The following STOX2 variants were observed in gnomAD, a reference collection of about 807,000 sequenced individuals.
STOX2 encodes storkhead-box protein 2.
Under a neutral mutation model 60.9 loss-of-function variants are expected in STOX2, and 28 were observed. The ratio of observed to expected loss-of-function variants is 0.46; its 90% CI spans 0.34 to 0.63. The LOEUF (loss-of-function observed/expected upper bound fraction) is 0.63. STOX2 is among the 30% of genes least tolerant of loss of function. The pLI is 0.01. For missense variants in STOX2, 1,024 were observed against 1,187.7 expected (o/e 0.86, Z 2.03); for synonymous variants, 472 against 463.9 (o/e 1.02, Z -0.22).
chr4:183,891,265 G>A (rs1381185826), intron 1 of STOX2, among the ~76,000 whole-genome samples: 5 of 147,750 alleles, frequency 3.4e-5, no homozygotes, highest in African/African-American at 7.5e-5. Context: ...TAAAGAAACT[G>A]GTGTGTGTGT....
chr4:183,874,817 G>A (rs1033864234), intron 1 of STOX2, among the ~76,000 whole-genome samples: 29 of 148,824 alleles, frequency 1.9e-4, no homozygotes, highest in African/African-American at 6.4e-4. Context: ...TCCCAGCTAC[G>A]CGGGAGGCTG....
At chr4:183,817,314 C>T (rs866228733) in intron 1 of STOX2, among the ~76,000 whole-genome samples, 14 of 152,206 alleles carry the variant, frequency 9.2e-5, no homozygotes, top group African/African-American at 2.9e-4. Context: ...TTCAAAAGAA[C>T]GTGCCACACA....
At chr4:183,811,809 T>C (rs928621669) in intron 1 of STOX2, among the ~76,000 whole-genome samples, 18 of 152,214 alleles carry the variant, frequency 1.2e-4, no homozygotes, top group Non-Finnish European at 1.8e-4. Flanking sequence ...TTTGACACTA[T>C]GGAAGAGATA....
At chr4:183,813,584 G>A (rs1044238200) in intron 1 of STOX2, among the ~76,000 whole-genome samples, 3 of 152,132 alleles carry the variant, frequency 2.0e-5, no homozygotes, top group Non-Finnish European at 4.4e-5. Context: ...ACCGAGGGAG[G>A]CCTGTGTGTT....
At chr4:183,908,864 C>T (rs904650671) in intron 1 of STOX2, among the ~76,000 whole-genome samples, 8 of 152,070 alleles carry the variant, frequency 5.3e-5, no homozygotes, top group South Asian at 2.1e-4. Flanking sequence ...ACCTGAAGAC[C>T]AAAAGATGGA....
Position 183,905,464 on chromosome 4 carries a change from G to T in STOX2, c.-1327G>T, listed in dbSNP as rs1741566199. The stretch of plus-strand genomic sequence containing the variant: ...CAGGCTGCGTGGACCCGGCGCCCCG[G>T]CGTGTGCGGTTGTGGGGGAGCTCGC... On this transcript the variant is annotated 5_prime_UTR_variant, in exon 1 of 4. Coordinates refer to ENST00000308497, the MANE Select transcript of STOX2 (RefSeq NM_020225.3). The T allele has an allele frequency of 6.6e-6, 1 of 152,266 alleles. No individual in the cohort carries two copies. Among genetic ancestry groups the T allele is most frequent in the Non-Finnish European group, 1.5e-5 (1 of 68,112 alleles). The allele number at this position is 152,266 out of a possible 1,614,324, so 9.4% of individuals were successfully genotyped here.
At chr4:183,938,052 G>C (rs1461949012) in intron 1 of STOX2, among the ~76,000 whole-genome samples, 5 of 152,244 alleles carry the variant, frequency 3.3e-5, no homozygotes, top group South Asian at 2.1e-4. Context: ...GGGAGGCTGT[G>C]GTGGGAGGAT....
In STOX2 at chr4:183,837,503, G is replaced by A. The variant is rs907595751; in HGVS notation, c.364+39448G>A. Among the ~76,000 whole-genome samples the A allele has an allele frequency of 2.0e-5, 3 of 151,544 alleles. No individual in the cohort carries two copies. In the South Asian group the frequency reaches 6.3e-4, roughly 32 times the overall value. On this transcript the variant is annotated intron_variant, in intron 1 of 2. Coordinates refer to the STOX2 transcript ENST00000513034. Reference sequence around the variant, plus strand: ...AGATAGAGTCTCTCTCTGTCACTCAGGCTGAAGTGCAGTGGCACAATCTTG... The same window carrying A: ...AGATAGAGTCTCTCTCTGTCACTCAAGCTGAAGTGCAGTGGCACAATCTTG...
intron 1 of STOX2, among the ~76,000 whole-genome samples, chr4:183,944,692 T>G (rs944421193): frequency 5.9e-5 from 9 of 152,206 alleles, no homozygotes; most frequent in Admixed American, 3.9e-4. Context: ...CCAGCCTAGG[T>G]GACAGAGACT....
chr4:183,896,396 A>G (rs1041666115), intron 1 of STOX2, among the ~76,000 whole-genome samples: 1 of 152,204 alleles, frequency 6.6e-6, no homozygotes, highest in Non-Finnish European at 1.5e-5. Flanking sequence ...AGATTGGAGC[A>G]TAGTGGCACA....
intron 1 of STOX2, among the ~76,000 whole-genome samples, chr4:183,976,682 T>TATA (rs1173580768): frequency 1.3e-5 from 2 of 152,080 alleles, no homozygotes; most frequent in African/African-American, 4.8e-5. Flanking sequence ...TGTAACAAAC[T>TATA]TGTGCATATA....
At chr4:183,808,945 T>TG (rs901190332) in intron 1 of STOX2, among the ~76,000 whole-genome samples, 10 of 152,170 alleles carry the variant, frequency 6.6e-5, no homozygotes, top group Non-Finnish European at 1.3e-4. Flanking sequence ...TTTAAGACAC[T>TG]GGGGGTCTTG....
At chr4:183,902,213 A>G (rs552547929), upstream of STOX2, among the ~76,000 whole-genome samples, 2 of 152,348 alleles carry the variant, frequency 1.3e-5, no homozygotes, top group East Asian at 3.9e-4. Flanking sequence ...TTCTAACTCT[A>G]AATTCATTCA....
intron 1 of STOX2, among the ~76,000 whole-genome samples, chr4:183,997,836 T>C (rs754803471): frequency 6.6e-6 from 1 of 152,226 alleles, no homozygotes; most frequent in Non-Finnish European, 1.5e-5. Flanking sequence ...CCCATATTCA[T>C]TATTATAGTG....
intron 1 of STOX2, among the ~76,000 whole-genome samples, chr4:183,952,429 T>G (rs775497136): frequency 7.9e-5 from 12 of 152,246 alleles, no homozygotes; most frequent in Non-Finnish European, 1.6e-4. Context: ...TATATACAGA[T>G]CTCACAAATA....
chr4:183,810,009 C>T (rs1350144686), intron 1 of STOX2, among the ~76,000 whole-genome samples: 1 of 152,204 alleles, frequency 6.6e-6, no homozygotes, highest in Non-Finnish European at 1.5e-5. Flanking sequence ...TAACAGTAAA[C>T]TGAATTCATA....
At chr4:183,861,849 A>G (rs926554500) in intron 1 of STOX2, among the ~76,000 whole-genome samples, 1 of 152,204 alleles carries the variant, frequency 6.6e-6, no homozygotes, top group Non-Finnish European at 1.5e-5. Flanking sequence ...GGAAGAGCCC[A>G]AATATTAATT....
chr4:183,918,170 C>T (rs1009000314), intron 1 of STOX2, among the ~76,000 whole-genome samples: 3 of 152,296 alleles, frequency 2.0e-5, no homozygotes, highest in Admixed American at 6.5e-5. Flanking sequence ...TGGGATTCTT[C>T]GCCTGATATT....
chr4:183,995,385 A>G (rs887813232), intron 1 of STOX2, among the ~76,000 whole-genome samples: 2 of 147,780 alleles, frequency 1.4e-5, no homozygotes, highest in African/African-American at 5.1e-5. Flanking sequence ...TATTTGATGT[A>G]AAATAGGCAT....
Sources: gnomAD v4.1 joint callset for allele counts (sites outside exome capture counted in the v4.1 genomes callset) on GRCh38, gnomAD v4.1.1 for gene constraint, MANE v1.5 for transcripts, NCBI Gene and HGNC (gene_info 2026-07-23, HGNC 2026-07-21) for gene names.